Variants in GRK4 observed in about 807,000 individuals in gnomAD.
GRK4 encodes the protein G protein-coupled receptor kinase 4, also known as G protein-coupled receptor kinase 2-like.
In GRK4, 73 loss-of-function variants were observed where a neutral mutation model predicts 77.9. The ratio of observed to expected loss-of-function variants is 0.94; its 90% confidence interval spans 0.78 to 1.14. The LOEUF is 1.14. Among genes scored for constraint, GRK4 ranks in the 50% most tolerant of loss-of-function variants. The pLI, the probability that GRK4 is intolerant of heterozygous loss-of-function variation, is 0.00. For missense variants in GRK4, 729 were observed against 700.2 expected, an observed-to-expected ratio of 1.04 and a Z score of -0.46; for synonymous variants, 257 against 254.4, an observed-to-expected ratio of 1.01 and a Z score of -0.10.
chr4:3,027,919 C>A lies in GRK4; in HGVS notation c.978C>A (p.Ile326=). Residue 326 remains isoleucine (I), a synonymous_variant, in exon 11 of 16, where the codon ATC becomes ATA. Coordinates refer to ENST00000398052, the MANE Select transcript of GRK4 (RefSeq NM_182982.3). ...ENILLDDRGH[I]RISDLGLATE... ...ACATATTTGAACACACAGGACACAT[C>A]CGGATTTCAGACCTCGGTTTGGCCA... The A allele has an allele frequency of 6.2e-7, 1 of 1,613,994 alleles. No homozygotes were observed. The highest frequency in any genetic ancestry group is 1.1e-5 in the South Asian group (1 of 91,062).
At chr4:2,991,305 T>G (rs971877601) in intron 3 of GRK4, among the ~76,000 whole-genome samples, 2 of 152,202 alleles carry the variant, frequency 1.3e-5, no homozygotes, top group Non-Finnish European at 1.5e-5. Context: ...TTATCTAGCA[T>G]AATCTCCTTC....
rs56204916 is a variant in GRK4, at chr4:3,012,281, C to A, written c.601-1407C>A. ...AAACATTTCACGATAGGAAAATAGT[C>A]ACACAATAAGATTTTTTAAAAGGAG... is the stretch of plus-strand genomic sequence containing the variant. On this transcript the variant is annotated intron_variant, in intron 7 of 15. Coordinates refer to ENST00000398052, the MANE Select transcript of GRK4 (RefSeq NM_182982.3). Among the ~76,000 whole-genome samples the A allele has an allele frequency of 9.3e-3, 1,422 of 152,216 alleles. 20 individuals carry two copies. The highest frequency in any genetic ancestry group is 0.033 in the African/African-American group (1,370 of 41,528).
intron 1 of GRK4, chr4:2,966,207 A>C (rs1717611516): frequency 6.6e-6 from 1 of 152,206 alleles, no homozygotes; most frequent in Non-Finnish European, 1.5e-5. Context: ...AGGTCAGGAG[A>C]TTGAGACCAT....
chr4:2,965,721 C>T (rs905502126), intron 1 of GRK4: 10 of 452,718 alleles, frequency 2.2e-5, no homozygotes, highest in African/African-American at 3.9e-5. Context: ...TATTTTTGTG[C>T]ACCAACTCAC....
chr4:2,989,495 C>G (rs1344675429), intron 3 of GRK4, among the ~76,000 whole-genome samples: 3 of 152,126 alleles, frequency 2.0e-5, no homozygotes, highest in African/African-American at 7.2e-5. Context: ...CTTACTGCAA[C>G]CTCCGCCTCC....
At chr4:3,028,033 T>C (rs775847611) in intron 11 of GRK4, 32 bp downstream of exon 11, 14 of 1,597,666 alleles carry the variant, frequency 8.8e-6, no homozygotes, top group Admixed American at 3.3e-5. Flanking sequence ...TCCTTGTCCT[T>C]TCTATCCGGG....
At chr4:2,979,818 G>T (rs1401019133) in intron 1 of GRK4, among the ~76,000 whole-genome samples, 2 of 152,214 alleles carry the variant, frequency 1.3e-5, no homozygotes, top group African/African-American at 2.4e-5. Context: ...AGTCAAGGCT[G>T]CAGTGAGACT....
chr4:2,989,037 C>T (rs898142774), intron 3 of GRK4, among the ~76,000 whole-genome samples, 198 bp downstream of exon 3: 3 of 152,120 alleles, frequency 2.0e-5, no homozygotes, highest in Non-Finnish European at 2.9e-5. Flanking sequence ...AAAAAGTTAG[C>T]CGGGCGTGGT....
intron 1 of GRK4, 28 bp downstream of exon 1, chr4:2,964,150 C>G: frequency 6.4e-7 from 1 of 1,557,902 alleles, no homozygotes; most frequent in Non-Finnish European, 8.7e-7. Context: ...GCCCCCGACC[C>G]CCCCCCCAGA....
chr4:3,030,611 C>T (rs182664697), intron 12 of GRK4, among the ~76,000 whole-genome samples: 69 of 151,566 alleles, frequency 4.6e-4, no homozygotes, highest in South Asian at 1.3e-3. Flanking sequence ...CTCTGGAGGA[C>T]GGGGAACTGC....
In GRK4 at chr4:2,988,732, G is replaced by T; in HGVS notation, c.154G>T (p.Asp52Tyr). The T allele has an allele frequency of 6.3e-7, 1 of 1,591,472 alleles. No homozygotes were observed. The highest frequency in any genetic ancestry group is 8.6e-7 in the Non-Finnish European group (1 of 1,159,538). ...TATCCCTTTGCTTCACCCAGAAAAGGATTATAGCAGTCTTTGTGACAAGCA... is the reference window on the plus strand; with the variant it reads ...TATCCCTTTGCTTCACCCAGAAAAGTATTATAGCAGTCTTTGTGACAAGCA... ...CSELRHSIEK[D>Y]YSSLCDKQPI... Residue 52 changes from aspartate to tyrosine, a missense_variant, in exon 3 of 16, where the codon GAT becomes TAT. Asp to Tyr is a radical substitution (Grantham distance 160). Coordinates refer to ENST00000398052, the MANE Select transcript of GRK4 (RefSeq NM_182982.3).
intron 15 of GRK4, among the ~76,000 whole-genome samples, 196 bp from the exon 16 acceptor site, chr4:3,040,376 G>A (rs943356039): frequency 1.3e-5 from 2 of 152,174 alleles, no homozygotes; most frequent in African/African-American, 4.8e-5. Context: ...GGAAGGTGGA[G>A]GTTGTAGTGA....
At chr4:3,002,530 A>C (rs2109806736) in intron 4 of GRK4, among the ~76,000 whole-genome samples, 1 of 152,250 alleles carries the variant, frequency 6.6e-6, no homozygotes, top group East Asian at 1.9e-4. Flanking sequence ...CTTCCAAAGG[A>C]TCTCTTGAGG....
intron 2 of GRK4, chr4:2,985,814 C>T (rs541177844): frequency 4.5e-4 from 99 of 220,194 alleles, no homozygotes; most frequent in Admixed American, 7.8e-4. Context: ...CTGGCTAACA[C>T]GGTGAAACTC....
chr4:3,011,615 G>A (rs115996713), intron 7 of GRK4, among the ~76,000 whole-genome samples: 136 of 152,304 alleles, frequency 8.9e-4, no homozygotes, highest in African/African-American at 3.2e-3. Context: ...GAGGCAGTGA[G>A]CAGTCAGCTC....
At chr4:2,978,504 CAG>C (rs990352220) in intron 1 of GRK4, among the ~76,000 whole-genome samples, 14 of 152,280 alleles carry the variant, frequency 9.2e-5, no homozygotes, top group African/African-American at 3.4e-4. Context: ...ATTTGGCAGA[CAG>C]GGAGAGGTTC....
chr4:2,964,182 C>A, intron 1 of GRK4, 60 bp downstream of exon 1: 1 of 1,404,232 alleles, frequency 7.1e-7, no homozygotes, highest in South Asian at 1.2e-5. Context: ...CCCGGGGAAC[C>A]CTGGCCCCCC....
At chr4:3,030,484 C>T (rs1451729895) in intron 12 of GRK4, among the ~76,000 whole-genome samples, 2 of 152,070 alleles carry the variant, frequency 1.3e-5, no homozygotes, top group African/African-American at 2.4e-5. Context: ...TTCCAGGCAC[C>T]GTCCTAGGCA....
At chr4:2,968,000 A>G (rs1470927059) in intron 1 of GRK4, among the ~76,000 whole-genome samples, 5 of 151,482 alleles carry the variant, frequency 3.3e-5, no homozygotes, top group Non-Finnish European at 7.4e-5. Context: ...CATGTTGGTC[A>G]GGCTGGTCTC....
Sources: gnomAD v4.1 joint callset for allele counts (sites outside exome capture counted in the v4.1 genomes callset) on GRCh38, gnomAD v4.1.1 for gene constraint, MANE v1.5 for transcripts, NCBI Gene and HGNC (gene_info 2026-07-23, HGNC 2026-07-21) for gene names.